Variants in PDE4D observed in about 807,000 individuals in gnomAD.
The protein encoded by PDE4D is phosphodiesterase 4D.
In PDE4D, 24 loss-of-function variants were observed where a neutral mutation model predicts 87.4. The ratio of observed to expected loss-of-function variants is 0.27; its 90% confidence interval spans 0.20 to 0.39. The LOEUF is 0.39. Ranked by LOEUF, PDE4D falls within the 10% of genes least tolerant of loss-of-function variation. The probability of loss-of-function intolerance (pLI) is 1.00; values close to 1 mark genes in which losing one functional copy is unlikely to be tolerated. For missense variants in PDE4D, 714 were observed against 1,041.0 expected, an observed-to-expected ratio of 0.69 and a Z score of 4.32; for synonymous variants, 384 against 383.2, an observed-to-expected ratio of 1.00 and a Z score of -0.02.
intron 3 of PDE4D, among the ~76,000 whole-genome samples, chr5:59,971,138 A>G (rs2152817802): frequency 6.9e-6 from 1 of 144,262 alleles, no homozygotes; most frequent in East Asian, 2.1e-4. Context: ...ATTCTCACTT[A>G]TAGGTGGGAA....
intron 1 of PDE4D, among the ~76,000 whole-genome samples, chr5:59,589,784 A>G (rs1250867384): frequency 6.6e-6 from 1 of 152,196 alleles, no homozygotes; most frequent in Non-Finnish European, 1.5e-5. Context: ...CACTTTATAA[A>G]TAAAATACAA....
intron 1 of PDE4D, among the ~76,000 whole-genome samples, chr5:59,597,222 C>T (rs1379440595): frequency 2.6e-5 from 4 of 152,036 alleles, no homozygotes; most frequent in Non-Finnish European, 5.9e-5. Context: ...TTCCTTCCCT[C>T]CTGAAATAAA....
intron 1 of PDE4D, among the ~76,000 whole-genome samples, chr5:59,660,750 TAAGTAA>T (rs1745112638): frequency 6.6e-6 from 1 of 152,152 alleles, no homozygotes; most frequent in African/African-American, 2.4e-5. Context: ...TCAACAAGGC[TAAGTAA>T]AATAGTTCCT....
At chr5:60,370,759 A>ATGTG (rs139182100) in intron 1 of PDE4D, among the ~76,000 whole-genome samples, 18 of 150,126 alleles carry the variant, frequency 1.2e-4, no homozygotes, top group Admixed American at 3.3e-4. Flanking sequence ...TTTTGTGTAT[A>ATGTG]TGTGTGTGTG....
intron 2 of PDE4D, among the ~76,000 whole-genome samples, chr5:59,999,586 T>C (rs147724910): frequency 4.1e-4 from 60 of 145,430 alleles, no homozygotes; most frequent in African/African-American, 1.4e-3. Flanking sequence ...TGTGGGCTAA[T>C]TGGTAAAAGT....
At chr5:59,916,828 T>A (rs1485850470) in intron 3 of PDE4D, among the ~76,000 whole-genome samples, 2 of 151,710 alleles carry the variant, frequency 1.3e-5, no homozygotes, top group African/African-American at 4.8e-5. Context: ...CACTCTACCA[T>A]CCAGGCTGGA....
intron 1 of PDE4D, among the ~76,000 whole-genome samples, chr5:59,287,648 G>A (rs886761719): frequency 6.6e-6 from 1 of 151,728 alleles, no homozygotes; most frequent in Non-Finnish European, 1.5e-5. Flanking sequence ...ACCCTATGCA[G>A]TCCCAGTGGT....
At chr5:60,041,792 A>G in intron 2 of PDE4D, among the ~76,000 whole-genome samples, 1 of 152,178 alleles carries the variant, frequency 6.6e-6, no homozygotes, top group Non-Finnish European at 1.5e-5. Context: ...CATTTCCCAC[A>G]GTCTTTGCAA....
chr5:59,695,000 T>C (rs545959099), intron 1 of PDE4D, among the ~76,000 whole-genome samples: 9 of 152,278 alleles, frequency 5.9e-5, no homozygotes, highest in African/African-American at 1.9e-4. Flanking sequence ...AACTTTCAAA[T>C]TGTATTAAAG....
intron 1 of PDE4D, among the ~76,000 whole-genome samples, chr5:60,359,232 C>A (rs905877778): frequency 2.6e-5 from 4 of 152,138 alleles, no homozygotes; most frequent in Admixed American, 6.5e-5. Context: ...CATGACAAAA[C>A]CCCATCTCCA....
intron 1 of PDE4D, among the ~76,000 whole-genome samples, chr5:59,445,847 A>G (rs1034863790): frequency 6.6e-5 from 10 of 152,282 alleles, no homozygotes; most frequent in African/African-American, 2.2e-4. Context: ...TTTCTTTTTG[A>G]TGGCTAGAAA....
chr5:60,316,136 A>G (rs1356831253), intron 1 of PDE4D, among the ~76,000 whole-genome samples: 1 of 152,022 alleles, frequency 6.6e-6, no homozygotes, highest in Non-Finnish European at 1.5e-5. Context: ...ATGTTCTTCT[A>G]TTTGTTTGTA....
intron 1 of PDE4D, among the ~76,000 whole-genome samples, chr5:59,488,943 G>C (rs73097366): frequency 0.014 from 2,186 of 152,168 alleles, 60 homozygotes; most frequent in African/African-American, 0.049. Flanking sequence ...TGTGGTAAAT[G>C]AGCTTTGAAG....
chr5:60,053,017 C>T (rs1339583854), intron 2 of PDE4D, among the ~76,000 whole-genome samples: 1 of 152,108 alleles, frequency 6.6e-6, no homozygotes, highest in Non-Finnish European at 1.5e-5. Context: ...GAACTACAAA[C>T]CACTGCTCAA....
chr5:60,428,089 A>C (rs1743874654), intron 1 of PDE4D, among the ~76,000 whole-genome samples: 1 of 152,136 alleles, frequency 6.6e-6, no homozygotes, highest in Non-Finnish European at 1.5e-5. Flanking sequence ...AATAAAAAGA[A>C]AATAAAAGAA....
chr5:60,176,210 A>G (rs1438257723), intron 2 of PDE4D, among the ~76,000 whole-genome samples: 1 of 152,180 alleles, frequency 6.6e-6, no homozygotes, highest in African/African-American at 2.4e-5. Context: ...TAGCTGAATC[A>G]TCTTGCTGGT....
intron 1 of PDE4D, among the ~76,000 whole-genome samples, chr5:59,773,600 C>T (rs925716241): frequency 2.0e-5 from 3 of 152,034 alleles, no homozygotes; most frequent in Non-Finnish European, 4.4e-5. Flanking sequence ...TTTTTCTCCT[C>T]TATATACCTG....
chr5:59,461,169 A>C (rs1021957884), intron 1 of PDE4D, among the ~76,000 whole-genome samples: 15 of 152,296 alleles, frequency 9.8e-5, no homozygotes, highest in African/African-American at 3.1e-4. Flanking sequence ...TAAATAGCTA[A>C]GAAATTTTAG....
In PDE4D at chr5:59,594,938, G is replaced by C. The variant is rs375135279; in HGVS notation, c.455+298230C>G. On this transcript the variant is annotated intron_variant, in intron 1 of 14. Coordinates refer to ENST00000340635, the MANE Select transcript of PDE4D (RefSeq NM_001104631.2). ...GTAAAAAAAAATGTACCACTTTTGT[G>C]GGGGGGATATTGATAATGGGGTGGC... Among the ~76,000 whole-genome samples, 124 of 152,014 alleles carry C rather than the reference G, an allele frequency of 8.2e-4. 4 individuals are homozygous for C. In the South Asian group the frequency reaches 0.015, roughly 18 times the overall value.
Sources: gnomAD v4.1 joint callset for allele counts (sites outside exome capture counted in the v4.1 genomes callset) on GRCh38, gnomAD v4.1.1 for gene constraint, MANE v1.5 for transcripts, NCBI Gene and HGNC (gene_info 2026-07-23, HGNC 2026-07-21) for gene names.